TMIGD3: variants seen among roughly 807,000 people sequenced by gnomAD.
The protein encoded by TMIGD3 is AD026 protein (AD026).
TMIGD3 carries 21 observed loss-of-function variants against 28.1 expected under a neutral mutation model. The ratio of observed to expected loss-of-function variants is 0.75; its 90% CI spans 0.53 to 1.08. The LOEUF (loss-of-function observed/expected upper bound fraction) is 1.08, where lower values mean the gene tolerates loss of function less well. Among genes scored for constraint, TMIGD3 ranks in the 50% least tolerant of loss-of-function variants. TMIGD3 has a pLI of 0.00. For missense variants in TMIGD3, 416 were observed against 435.6 expected, an observed-to-expected ratio of 0.96 and a Z score of 0.40; for synonymous variants, 151 against 162.1, an observed-to-expected ratio of 0.93 and a Z score of 0.52.
At chr1:111,545,241 G>T (rs1321417394) in intron 1 of TMIGD3, among the ~76,000 whole-genome samples, 1 of 151,958 alleles carries the variant, frequency 6.6e-6, no homozygotes, top group Non-Finnish European at 1.5e-5. Flanking sequence ...ATTCCCACCG[G>T]CAATGTATGA....
intron 1 of TMIGD3, among the ~76,000 whole-genome samples, chr1:111,542,809 G>T (rs539366238): frequency 6.6e-6 from 1 of 152,078 alleles, no homozygotes; most frequent in African/African-American, 2.4e-5. Context: ...TGATTCTCCT[G>T]CCTCAACCTC....
upstream of TMIGD3, chr1:111,505,124 C>CAAAA (rs754473063): frequency 1.3e-3 from 135 of 103,102 alleles, no homozygotes; most frequent in African/African-American, 2.7e-3. Context: ...AGCACTCTGC[C>CAAAA]AAAAAAAAAA....
chr1:111,540,250 G>A (rs1656774241), intron 1 of TMIGD3, among the ~76,000 whole-genome samples: 1 of 152,218 alleles, frequency 6.6e-6, no homozygotes, highest in Non-Finnish European at 1.5e-5. Context: ...TGGAAGTGAA[G>A]CAGCACCCAG....
upstream of TMIGD3, among the ~76,000 whole-genome samples, chr1:111,505,862 T>C (rs1183574706): frequency 6.6e-6 from 1 of 152,152 alleles, no homozygotes; most frequent in Non-Finnish European, 1.5e-5. Context: ...TCCAGACTCC[T>C]TAGAGTGGCT....
intron 1 of TMIGD3, among the ~76,000 whole-genome samples, chr1:111,538,363 G>A (rs1656711014): frequency 6.6e-6 from 1 of 152,162 alleles, no homozygotes; most frequent in Non-Finnish European, 1.5e-5. Context: ...TACAGAAATG[G>A]CGAGGTCTTT....
At chr1:111,486,487 G>C in intron 4 of TMIGD3, 99 bp downstream of exon 4, 1 of 846,020 alleles carries the variant, frequency 1.2e-6, no homozygotes. Context: ...TAGAAAAGTT[G>C]TCGGTGCAAA....
At chr1:111,502,117 A>C (rs1440900965) in intron 1 of TMIGD3, among the ~76,000 whole-genome samples, 1 of 69,152 alleles carries the variant, frequency 1.4e-5, no homozygotes, top group African/African-American at 4.6e-5. Flanking sequence ...TAATATAATA[A>C]ATATATAGGA....
At chr1:111,554,911 C>T (rs1657418267) in intron 1 of TMIGD3, among the ~76,000 whole-genome samples, 1 of 151,610 alleles carries the variant, frequency 6.6e-6, no homozygotes, top group Non-Finnish European at 1.5e-5. Context: ...ACAAAATTCC[C>T]TGAGTAAGGG....
chr1:111,551,853 G>A (rs971299028), intron 1 of TMIGD3, among the ~76,000 whole-genome samples: 1 of 152,000 alleles, frequency 6.6e-6, no homozygotes, highest in African/African-American at 2.4e-5. Flanking sequence ...TTACAGTTCG[G>A]CCTTGGCCTT....
intron 3 of TMIGD3, among the ~76,000 whole-genome samples, chr1:111,488,374 G>C (rs1427617876): frequency 6.6e-6 from 1 of 152,134 alleles, no homozygotes; most frequent in Non-Finnish European, 1.5e-5. Context: ...TCAACATAAA[G>C]ATCTCACATC....
chr1:111,503,675 TC>T (rs1655370930), upstream of TMIGD3: 1 of 1,092,498 alleles, frequency 9.2e-7, no homozygotes, highest in Non-Finnish European at 1.1e-6. Context: ...CAAACAGATG[TC>T]CTCAACGCCT....
chr1:111,554,060 A>G lies in TMIGD3; in HGVS notation c.107+9786T>C, dbSNP rs774623090. On this transcript the variant is annotated intron_variant, in intron 1 of 5. Transcript: ENST00000369717. ...GGTTACGTGCATATGCACTAAAGCC[A>G]GAATTCCCAGATTTAGATCCCCACC... Among the ~76,000 whole-genome samples, 55 of 152,382 alleles carry G rather than the reference A, an allele frequency of 3.6e-4. 1 individual carries two copies. Among genetic ancestry groups the G allele is most frequent in the Middle Eastern group, 3.4e-3 (1 of 294 alleles).
At chr1:111,563,744 T>A in intron 1 of TMIGD3, 1 of 789,344 alleles carries the variant, frequency 1.3e-6, no homozygotes, top group South Asian at 1.5e-5. Flanking sequence ...ATTGATTAAG[T>A]AGCTTGCCCC....
intron 1 of TMIGD3, among the ~76,000 whole-genome samples, chr1:111,491,904 C>A (rs1256096001): frequency 1.3e-5 from 2 of 152,216 alleles, no homozygotes; most frequent in Non-Finnish European, 1.5e-5. Context: ...AGCCAACCTT[C>A]ACGATGGCTC....
upstream of TMIGD3, chr1:111,504,970 T>C (rs1220554873): frequency 5.1e-6 from 5 of 985,162 alleles, no homozygotes; most frequent in Non-Finnish European, 6.0e-6. Flanking sequence ...TTTTCCAATG[T>C]CAGTTCTGCC....
upstream of TMIGD3, chr1:111,504,070 C>T (rs568404514): frequency 5.3e-5 from 52 of 985,442 alleles, no homozygotes; most frequent in South Asian, 1.1e-3. Context: ...AGTTCTTGCA[C>T]GAGTTGACGC....
chr1:111,503,605 G>C lies in TMIGD3; in HGVS notation c.-251C>G. 1 of 1,325,536 alleles carries C rather than the reference G, an allele frequency of 7.5e-7. No homozygotes were observed. 82.1% of individuals were successfully genotyped at this position (1,325,536 alleles called of 1,614,324 possible). A position where few individuals can be genotyped will look rare whatever the true frequency, so the allele number is the denominator to read the frequency against. ...TGCACCGCACATCCTCAAGTTTCCA[G>C]AATGCTGTAGGACAGCTCTATATGG... On this transcript the variant is annotated 5_prime_UTR_variant, in exon 1 of 6. Coordinates refer to ENST00000369716, the MANE Select transcript of TMIGD3 (RefSeq NM_020683.7).
At chr1:111,503,805 A>G, upstream of TMIGD3, 3 of 1,006,024 alleles carry the variant, frequency 3.0e-6, no homozygotes, top group Non-Finnish European at 3.6e-6. Flanking sequence ...CAGCAAAAAG[A>G]TGGAAAGAGC....
At chr1:111,535,241 A>C (rs938674245) in intron 1 of TMIGD3, among the ~76,000 whole-genome samples, 1 of 152,100 alleles carries the variant, frequency 6.6e-6, no homozygotes, top group African/African-American at 2.4e-5. Flanking sequence ...CACCCACCCC[A>C]CCTCTAAACT....
Sources: allele counts gnomAD v4.1 joint callset (sites outside exome capture counted in the v4.1 genomes callset), GRCh38; gene constraint gnomAD v4.1.1; transcripts MANE v1.5; gene names NCBI Gene and HGNC (gene_info 2026-07-23, HGNC 2026-07-21).